Variants in PTPRD observed in about 807,000 individuals in gnomAD.
PTPRD encodes the protein protein tyrosine phosphatase receptor type D, also known as receptor-type tyrosine-protein phosphatase delta.
A neutral mutation model predicts 214.5 loss-of-function variants in PTPRD; 34 were observed. The observed-to-expected ratio is 0.16, with a 90% CI of 0.12 to 0.21. The LOEUF (loss-of-function observed/expected upper bound fraction) is 0.21. Among genes scored for constraint, PTPRD ranks in the 10% least tolerant of loss-of-function variants. The pLI is 1.00. For missense variants in PTPRD, 2,545 were observed against 2,398.7 expected (o/e 1.06, Z -1.27); for synonymous variants, 1,128 against 845.7 (o/e 1.33, Z -5.79).
intron 5 of PTPRD, among the ~76,000 whole-genome samples, chr9:9,933,555 C>G (rs988859391): frequency 6.6e-6 from 1 of 151,636 alleles, no homozygotes; most frequent in African/African-American, 2.4e-5. Context: ...ACACCCAACA[C>G]AGGAGCACCC....
chr9:8,434,695 C>G (rs2095269644), intron 35 of PTPRD, among the ~76,000 whole-genome samples: 1 of 151,978 alleles, frequency 6.6e-6, no homozygotes, highest in Non-Finnish European at 1.5e-5. Flanking sequence ...TAATAAGAAT[C>G]ATATAACAAT....
chr9:9,466,786 C>T (rs1316764988), intron 8 of PTPRD, among the ~76,000 whole-genome samples: 2 of 152,046 alleles, frequency 1.3e-5, no homozygotes, highest in East Asian at 1.9e-4. Flanking sequence ...TGCAAAATGC[C>T]TTACTAATTT....
intron 5 of PTPRD, among the ~76,000 whole-genome samples, chr9:9,783,960 G>C (rs1188958407): frequency 1.3e-5 from 2 of 151,788 alleles, no homozygotes; most frequent in Admixed American, 6.6e-5. Flanking sequence ...AAATCCATTA[G>C]TGATTTTAAA....
At chr9:8,622,237 G>T (rs921380816) in intron 14 of PTPRD, among the ~76,000 whole-genome samples, 1 of 151,746 alleles carries the variant, frequency 6.6e-6, no homozygotes, top group African/African-American at 2.4e-5. Context: ...TCTCAAAACC[G>T]AACCAAAGTA....
chr9:9,955,315 T>A (rs1220442632), intron 4 of PTPRD, among the ~76,000 whole-genome samples: 2 of 152,160 alleles, frequency 1.3e-5, no homozygotes, highest in Admixed American at 1.3e-4. Context: ...CACAAGAACA[T>A]AAAGCAGTAA....
intron 43 of PTPRD, among the ~76,000 whole-genome samples, chr9:8,337,130 T>C (rs941322471): frequency 3.3e-5 from 5 of 152,200 alleles, no homozygotes; most frequent in African/African-American, 9.7e-5. Flanking sequence ...ATCATTCTAC[T>C]ATAAAGACAC....
intron 8 of PTPRD, among the ~76,000 whole-genome samples, chr9:9,572,532 A>G (rs2086765942): frequency 6.8e-6 from 1 of 147,358 alleles, no homozygotes. Context: ...TAAATCCTCT[A>G]TTGGATATAT....
chr9:10,528,212 G>A (rs1226810729), intron 2 of PTPRD, among the ~76,000 whole-genome samples: 2 of 152,108 alleles, frequency 1.3e-5, no homozygotes, highest in African/African-American at 4.8e-5. Flanking sequence ...CAGAAAGAAG[G>A]AGTTAAAAAC....
At chr9:8,635,824 T>C (rs1244024473) in intron 13 of PTPRD, among the ~76,000 whole-genome samples, 2 of 152,130 alleles carry the variant, frequency 1.3e-5, no homozygotes, top group East Asian at 1.9e-4. Flanking sequence ...GGGCATGCTA[T>C]TGTGTGCCCA....
In PTPRD at chr9:9,945,077, A is replaced by G. The variant is rs115011926; in HGVS notation, c.-471-6467T>C. ...AGCAGATTTGATGTGGTATGTTAAA[A>G]GAAATTGATAAAGTATAACTGTATA... On this transcript the variant is annotated intron_variant, in intron 4 of 45. Coordinates refer to ENST00000381196, the MANE Select transcript of PTPRD (RefSeq NM_002839.4). Among the ~76,000 whole-genome samples the G allele has an allele frequency of 2.9e-3, 438 of 152,308 alleles. 2 individuals carry two copies. Among genetic ancestry groups the G allele is most frequent in the African/African-American group, 9.8e-3 (406 of 41,586 alleles).
At chr9:10,131,377 G>C (rs1055878732) in intron 3 of PTPRD, among the ~76,000 whole-genome samples, 1 of 152,092 alleles carries the variant, frequency 6.6e-6, no homozygotes, top group Non-Finnish European at 1.5e-5. Context: ...TTTCAACAAA[G>C]TAAGAGAGTA....
chr9:10,179,301 T>G (rs2099268107), intron 3 of PTPRD, among the ~76,000 whole-genome samples: 1 of 151,914 alleles, frequency 6.6e-6, no homozygotes, highest in South Asian at 2.1e-4. Context: ...GTATAAAAAG[T>G]TATAGAAAGC....
chr9:9,177,451 CTA>C (rs1238196196), intron 10 of PTPRD, among the ~76,000 whole-genome samples: 2 of 152,128 alleles, frequency 1.3e-5, no homozygotes, highest in Middle Eastern at 3.4e-3. Flanking sequence ...TAAGTACTGA[CTA>C]AAACTAGTGT....
intron 10 of PTPRD, among the ~76,000 whole-genome samples, chr9:9,040,729 G>C (rs1410473091): frequency 6.6e-6 from 1 of 152,140 alleles, no homozygotes; most frequent in African/African-American, 2.4e-5. Context: ...CATAATATCT[G>C]TTTAAAATAA....
chr9:9,891,941 C>T (rs188073082), intron 5 of PTPRD, among the ~76,000 whole-genome samples: 6 of 152,032 alleles, frequency 3.9e-5, no homozygotes, highest in East Asian at 1.9e-4. Context: ...ACATATTTTA[C>T]TATTTATCAC....
chr9:10,501,295 T>G (rs531216167), intron 2 of PTPRD, among the ~76,000 whole-genome samples: 2 of 152,186 alleles, frequency 1.3e-5, no homozygotes, highest in African/African-American at 4.8e-5. Flanking sequence ...TGATCAATGA[T>G]GTTGAGCAAC....
chr9:10,574,642 G>A (rs1226504427), intron 2 of PTPRD, among the ~76,000 whole-genome samples: 1 of 151,860 alleles, frequency 6.6e-6, no homozygotes, highest in Non-Finnish European at 1.5e-5. Flanking sequence ...TACACAGGAA[G>A]TTTTCATAGC....
intron 11 of PTPRD, among the ~76,000 whole-genome samples, chr9:8,755,928 T>C (rs975828460): frequency 6.6e-6 from 1 of 152,214 alleles, no homozygotes; most frequent in Non-Finnish European, 1.5e-5. Flanking sequence ...CAGCAATATG[T>C]AATATTAGTA....
rs565111399 is a variant in PTPRD at position 9,449,358 on chromosome 9, C to T, written c.-236-51876G>A. On this transcript the variant is annotated intron_variant, in intron 8 of 45. Coordinates refer to ENST00000381196, the MANE Select transcript of PTPRD (RefSeq NM_002839.4). ...TTGCCTAATGAATAAGGCAATTCTC[C>T]ATCTTGTACATTCCTCCAAACCCAA... Among the ~76,000 whole-genome samples the T allele has an allele frequency of 2.9e-4, 44 of 152,106 alleles. No homozygotes were observed. In the South Asian group the frequency reaches 9.1e-3, roughly 32 times the overall value.
Sources: allele counts gnomAD v4.1 joint callset (sites outside exome capture counted in the v4.1 genomes callset), GRCh38; gene constraint gnomAD v4.1.1; transcripts MANE v1.5; gene names NCBI Gene and HGNC (gene_info 2026-07-23, HGNC 2026-07-21).